LIG3: variants seen among roughly 807,000 people sequenced by gnomAD.
LIG3 encodes the protein ligase II, DNA, ATP-dependent.
Under a neutral mutation model 110.9 loss-of-function variants are expected in LIG3, and 58 were observed. That is an observed-to-expected ratio of 0.52 (90% CI 0.42 to 0.65). The LOEUF is 0.65. LIG3 is among the 30% of genes least tolerant of loss of function. The pLI, the probability that LIG3 is intolerant of heterozygous loss-of-function variation, is 0.00. For missense variants in LIG3, 1,094 were observed against 1,273.8 expected (o/e 0.86, Z 2.15); for synonymous variants, 422 against 472.8 (o/e 0.89, Z 1.39).
intron 3 of LIG3, 42 bp downstream of exon 3, chr17:34,986,173 TTTA>T: frequency 6.3e-7 from 1 of 1,593,978 alleles, no homozygotes; most frequent in Non-Finnish European, 8.6e-7. Context: ...TAGTGCTGCT[TTTA>T]TTTTGTATTC....
chr17:34,980,751 C>T, intron 1 of LIG3, 129 bp downstream of exon 1: 1 of 371,656 alleles, frequency 2.7e-6, no homozygotes, highest in Non-Finnish European at 3.7e-6. Flanking sequence ...CCTGCGGAGC[C>T]CCGGGGCACA....
rs1280135990 is a variant in LIG3 at position 34,992,684 on chromosome 17, C to T, written c.1447C>T (p.Pro483Ser). ...GGCCTCGCTGATGACACCTGTGCAGCCCATGTTGGTGAGGAGTGCTCCCCT... is the reference window on the plus strand; with the variant it reads ...GGCCTCGCTGATGACACCTGTGCAGTCCATGTTGGTGAGGAGTGCTCCCCT... Reference protein sequence around the residue: ...VQASLMTPVQPMLAEACKSVE... With the variant: ...VQASLMTPVQSMLAEACKSVE... Residue 483 changes from proline to serine, a missense_variant, in exon 8 of 20, where the codon CCC becomes TCC. Pro to Ser is a moderately conservative substitution (Grantham distance 74, BLOSUM62 -1). Coordinates refer to ENST00000378526, the MANE Select transcript of LIG3 (RefSeq NM_013975.4). 1 of 1,591,500 alleles carries T rather than the reference C, an allele frequency of 6.3e-7. No homozygotes were observed. Among genetic ancestry groups the T allele is most frequent in the South Asian group, 1.1e-5 (1 of 87,532 alleles).
intron 6 of LIG3, 36 bp from the exon 7 acceptor site, chr17:34,991,922 C>T: frequency 6.2e-7 from 1 of 1,613,912 alleles, no homozygotes; most frequent in African/African-American, 1.3e-5. Flanking sequence ...TTCCAGAGCT[C>T]TTCAAGACCA....
rs575967480 is a variant in LIG3, at chr17:34,985,861, G to C, written c.548-127G>C. ...CTCAAAAAATACCAGCCACCAGCCA[G>C]CCTTGGGCTAGTGCTAGGGTAGTGA... is the stretch of plus-strand genomic sequence containing the variant. On this transcript the variant is annotated intron_variant, in intron 2 of 19. Coordinates refer to ENST00000378526, the MANE Select transcript of LIG3 (RefSeq NM_013975.4). 51 of 873,848 alleles carry C rather than the reference G, an allele frequency of 5.8e-5. No homozygotes were observed. In the African/African-American group the frequency reaches 5.9e-4, roughly 10 times the overall value. 54.1% of individuals were successfully genotyped at this position (873,848 alleles called of 1,614,324 possible). A position where few individuals can be genotyped will look rare whatever the true frequency, so the allele number is the denominator to read the frequency against.
intron 2 of LIG3, among the ~76,000 whole-genome samples, chr17:34,983,825 T>G (rs972678193): frequency 3.3e-5 from 5 of 152,346 alleles, no homozygotes; most frequent in African/African-American, 1.2e-4. Context: ...GAAATAATTT[T>G]AAACTCACTG....
At chr17:34,986,222 G>T (rs755789047) in intron 3 of LIG3, 91 bp downstream of exon 3, 3 of 1,284,226 alleles carry the variant, frequency 2.3e-6, no homozygotes, top group Non-Finnish European at 3.3e-6. Flanking sequence ...AAAATTCTGT[G>T]CTATCTCATC....
Position 34,999,321 on chromosome 17 carries a change from A to G in LIG3, c.2128A>G (p.Ile710Val), listed in dbSNP as rs967586901. 1.5e-5 allele frequency: 24 copies of G among 1,612,966 alleles called. No homozygotes were observed. The highest frequency in any genetic ancestry group is 6.7e-5 in the African/African-American group (5 of 74,898). The change falls in exon 15 of 20, where the codon ATC (isoleucine) becomes GTC (valine). Residue 710 changes from isoleucine (I) to valine (V), a missense_variant. Physicochemically the swap from Ile to Val is conservative, Grantham distance 29 (BLOSUM62 3). Transcript: ENST00000378526. ...TCCCCTCCCAGGCGGCATGATGTCA[A>G]TCTTCCTCATGGGCTGCTACGACCC... ...GQGSKGGMMS[I>V]FLMGCYDPGS... is the part of the protein sequence containing the mutation.
Position 34,994,261 on chromosome 17 carries a change from T to C in LIG3, c.1456-15T>C. 1 of 1,607,150 alleles carries C rather than the reference T, an allele frequency of 6.2e-7. No individual in the cohort carries two copies. The highest frequency in any genetic ancestry group is 8.5e-7 in the Non-Finnish European group (1 of 1,177,376). ...CTCATTGAAAGTCTCCAGGCTTTGC[T>C]TTCCCCACCCCAAGGCGGAGGCCTG... On this transcript the variant is annotated splice_polypyrimidine_tract_variant and intron_variant, in intron 8 of 19. Transcript: ENST00000378526.
At position 34,989,488 on chromosome 17, in the gene LIG3, A is replaced by C. The variant is rs1456657122; in HGVS notation, c.714A>C (p.Glu238Asp). 7 of 1,613,946 alleles carry C rather than the reference A, an allele frequency of 4.3e-6. No individual in the cohort carries two copies. The highest frequency in any genetic ancestry group is 1.3e-5 in the African/African-American group (1 of 74,902). ...GFSAKPNNSG[E>D]APSSPTPKRS... ...CAGCCAAGCCCAACAACTCTGGGGA[A>C]GCCCCCTCGAGCCCCACCCCTAAGA... is the stretch of plus-strand genomic sequence containing the variant. The change falls in exon 4 of 20, where the codon GAA (glutamate) becomes GAC (aspartate). Residue 238 changes from glutamate (E) to aspartate (D), a missense_variant. Coordinates refer to ENST00000378526, the MANE Select transcript of LIG3 (RefSeq NM_013975.4).
chr17:34,997,544 T>C (rs2090791507), intron 11 of LIG3, 194 bp from the exon 12 acceptor site: 1 of 567,546 alleles, frequency 1.8e-6, no homozygotes, highest in East Asian at 2.9e-5. Flanking sequence ...ATGCCACAGC[T>C]CACAATTTTC....
chr17:35,005,172 C>A lies in LIG3; in HGVS notation c.*666C>A. On this transcript the variant is annotated 3_prime_UTR_variant, in exon 20 of 20. Transcript: ENST00000378526. Reference sequence around the variant, plus strand: ...ATGAAGAAAGGGGAGGTTATTTGGGCCACTCCTCTGGAGGGATAGAGGGCT... The same window carrying A: ...ATGAAGAAAGGGGAGGTTATTTGGGACACTCCTCTGGAGGGATAGAGGGCT... 2.7e-6 allele frequency: 1 copy of A among 372,510 alleles called. No homozygotes were observed. Among genetic ancestry groups the A allele is most frequent in the South Asian group, 2.1e-5 (1 of 48,294 alleles). The allele number at this position is 372,510 out of a possible 1,614,324, so 23.1% of individuals were successfully genotyped here. A position where few individuals can be genotyped will look rare whatever the true frequency, so the allele number is the denominator to read the frequency against.
rs372666067 is a variant in LIG3, at chr17:34,985,998, T to C, written c.558T>C (p.Ser186=). 6.2e-6 allele frequency: 10 copies of C among 1,613,944 alleles called. No individual in the cohort carries two copies. The African/African-American group carries it at 1.2e-4, about 19-fold the overall frequency. The change falls in exon 3 of 20, where the codon TCT becomes TCC. Residue 186 remains serine (S), a synonymous_variant. Transcript: ENST00000378526. ...QITQHIADLS[S]KAAGTPKKKA... The stretch of plus-strand genomic sequence containing the variant: ...TTTGGGATCCTACAGATCTGTCTTC[T>C]AAGGCAGCAGGTACACCAAAGAAGA...
At chr17:34,996,273 A>G in intron 10 of LIG3, 78 bp downstream of exon 10, 3 of 1,482,076 alleles carry the variant, frequency 2.0e-6, no homozygotes, top group Non-Finnish European at 2.8e-6. Context: ...CTGCGGTCTG[A>G]AAAGGGAGGA....
intron 14 of LIG3, chr17:34,999,084 A>C (rs2090812138): frequency 7.2e-6 from 4 of 553,228 alleles, no homozygotes; most frequent in Non-Finnish European, 1.3e-5. Context: ...ACACAGTTCA[A>C]TGCCCCAGAG....
chr17:34,993,662 T>C (rs2090748921), intron 8 of LIG3, among the ~76,000 whole-genome samples: 1 of 152,236 alleles, frequency 6.6e-6, no homozygotes, highest in African/African-American at 2.4e-5. Flanking sequence ...TCTCTAACCT[T>C]CAGTTTTATC....
At chr17:34,994,130 A>C in intron 8 of LIG3, 146 bp from the exon 9 acceptor site, 1 of 655,144 alleles carries the variant, frequency 1.5e-6, no homozygotes, top group Non-Finnish European at 2.5e-6. Context: ...TCACCTCTTC[A>C]CCAGCCTTCC....
chr17:35,005,861 T>A lies in LIG3; in HGVS notation c.*1355T>A. ...GAATGAAGAGCAGCAGTAAAAGAAA[T>A]ACCTAGCGAAAAAAACAGGAAGCAT... On this transcript the variant is annotated 3_prime_UTR_variant, in exon 20 of 20. Transcript: ENST00000378526. 5 of 371,466 alleles carry A rather than the reference T, an allele frequency of 1.3e-5. No individual in the cohort carries two copies. The highest frequency in any genetic ancestry group is 4.2e-5 in the African/African-American group (2 of 47,290). 23.0% of individuals were successfully genotyped at this position (371,466 alleles called of 1,614,324 possible). A position where few individuals can be genotyped will look rare whatever the true frequency, so the allele number is the denominator to read the frequency against.
chr17:34,990,879 G>A, intron 4 of LIG3, 84 bp from the exon 5 acceptor site: 1 of 1,380,840 alleles, frequency 7.2e-7, no homozygotes, highest in Non-Finnish European at 1.0e-6. Flanking sequence ...TTACAGGTGT[G>A]AGCCACCTTG....
chr17:34,986,473 C>T (rs2090656933), intron 3 of LIG3, among the ~76,000 whole-genome samples: 1 of 152,118 alleles, frequency 6.6e-6, no homozygotes, highest in South Asian at 2.1e-4. Context: ...AGGCACCTGC[C>T]ACCATGCCTG....
Sources: gnomAD v4.1 joint callset for allele counts (sites outside exome capture counted in the v4.1 genomes callset) on GRCh38, gnomAD v4.1.1 for gene constraint, MANE v1.5 for transcripts, NCBI Gene and HGNC (gene_info 2026-07-23, HGNC 2026-07-21) for gene names.